NUP210: variants seen among roughly 807,000 people sequenced by gnomAD.
NUP210 encodes the protein nucleoporin 210.
In NUP210, 151 loss-of-function variants were observed where a neutral mutation model predicts 196.0. That is an observed-to-expected ratio of 0.77 (90% confidence interval 0.67 to 0.88). The LOEUF is 0.88. Among genes scored for constraint, NUP210 ranks in the 40% least tolerant of loss-of-function variants. The pLI, the probability that NUP210 is intolerant of heterozygous loss-of-function variation, is 0.00. For synonymous variants in NUP210, 1,070 were observed against 1,052.7 expected, an observed-to-expected ratio of 1.02 and a Z score of -0.32; for missense variants, 2,314 against 2,493.7, an observed-to-expected ratio of 0.93 and a Z score of 1.53.
rs71066953 is a variant in NUP210, at chr3:13,412,231, C to CT, written c.167+7828dup. ...CCACACCCAGCTTTATTTTCCTTTTCTTTTTTTTTTTTTTTTAGTAGAGAC... is the reference window on the plus strand; with the variant it reads ...CCACACCCAGCTTTATTTTCCTTTTCTTTTTTTTTTTTTTTTTAGTAGAGAC... On this transcript the variant is annotated intron_variant, in intron 1 of 39. Transcript: ENST00000254508. Among the ~76,000 whole-genome samples, 183 of 104,744 alleles carry CT rather than the reference C, an allele frequency of 1.7e-3. 4 individuals carry two copies. Among genetic ancestry groups the CT allele is most frequent in the Admixed American group, 0.01 (111 of 10,668 alleles). The allele number at this position is 104,744 out of a possible 152,430, so 68.7% of individuals were successfully genotyped here. A position where few individuals can be genotyped will look rare whatever the true frequency, so the allele number is the denominator to read the frequency against.
chr3:13,330,820 G>A (rs1455717372), intron 29 of NUP210, among the ~76,000 whole-genome samples, 186 bp from the exon 30 acceptor site: 3 of 152,144 alleles, frequency 2.0e-5, no homozygotes, highest in Admixed American at 6.5e-5. Context: ...AGTCACCCAC[G>A]GAAAAGTAAT....
intron 16 of NUP210, among the ~76,000 whole-genome samples, chr3:13,355,734 T>G (rs1344718545): frequency 4.6e-5 from 7 of 152,206 alleles, no homozygotes; most frequent in African/African-American, 1.7e-4. Flanking sequence ...TGCAAAGGTC[T>G]CATCATTATT....
intron 2 of NUP210, among the ~76,000 whole-genome samples, chr3:13,398,940 G>A (rs1168509981): frequency 6.6e-6 from 1 of 151,830 alleles, no homozygotes; most frequent in African/African-American, 2.4e-5. Flanking sequence ...TCTCAAAACA[G>A]CAACATAAAA....
At chr3:13,397,919 C>CA (rs1307766474) in intron 2 of NUP210, among the ~76,000 whole-genome samples, 1 of 152,126 alleles carries the variant, frequency 6.6e-6, no homozygotes, top group East Asian at 1.9e-4. Context: ...AAAAGACTAT[C>CA]AAGTATAGTA....
In NUP210 at chr3:13,353,583, G is replaced by A. The variant is rs557640102; in HGVS notation, c.2599C>T (p.His867Tyr). The change falls in exon 18 of 40, where the codon CAC becomes TAC. Residue 867 changes from histidine to tyrosine, a missense_variant. By Grantham distance (83) the His-to-Tyr change is moderately conservative (BLOSUM62 2). Transcript: ENST00000254508. ...TATATGYQES[H>Y]LSSARTKQPH... is the part of the protein sequence containing the mutation. ...TGCTTTGTTCTGGCAGAGCTGAGGTGGGACTCCTGGTAGCCAGTGGCAGTG... is the reference window on the plus strand; with the variant it reads ...TGCTTTGTTCTGGCAGAGCTGAGGTAGGACTCCTGGTAGCCAGTGGCAGTG... The A allele has an allele frequency of 3.2e-5, 52 of 1,614,104 alleles. No individual in the cohort carries two copies. The East Asian group carries it at 1.0e-3, about 32-fold the overall frequency.
Position 13,348,144 on chromosome 3 carries a change from C to T in NUP210, c.2835+3735G>A, listed in dbSNP as rs973828476. On this transcript the variant is annotated intron_variant, in intron 20 of 39. Coordinates refer to ENST00000254508, the MANE Select transcript of NUP210 (RefSeq NM_024923.4). The surrounding 1 kb of genome is among the most constrained non-coding windows in gnomAD (Gnocchi z 4.0). ...TGTGGCCACCTGTAAAACAGAACTG[C>T]AGAGGCACTCCTAGAATTGCAGCAT... 6.5e-6 allele frequency: 1 copy of T among 153,132 alleles called. No homozygotes were observed. Among genetic ancestry groups the T allele is most frequent in the Admixed American group, 6.5e-5 (1 of 15,274 alleles). The allele number at this position is 153,132 out of a possible 1,614,324, so 9.5% of individuals were successfully genotyped here.
intron 3 of NUP210, among the ~76,000 whole-genome samples, chr3:13,394,015 C>T (rs925835966): frequency 2.0e-5 from 3 of 152,218 alleles, no homozygotes; most frequent in Non-Finnish European, 2.9e-5. Flanking sequence ...TTATGTCTTC[C>T]TAGTGCTGAC....
At chr3:13,327,473 G>A (rs760395415) in intron 31 of NUP210, 36 bp from the exon 32 acceptor site, 30 of 1,483,242 alleles carry the variant, frequency 2.0e-5, no homozygotes, top group South Asian at 8.2e-5. Context: ...TCTCAGTCTC[G>A]GGAAAGAAGC....
intron 6 of NUP210, among the ~76,000 whole-genome samples, chr3:13,383,892 G>T (rs1283596950): frequency 6.6e-6 from 1 of 151,994 alleles, no homozygotes; most frequent in East Asian, 1.9e-4. Context: ...GCCCAGCTGG[G>T]GCAGTTTCAT....
At chr3:13,410,506 C>T (rs1700134252) in intron 1 of NUP210, among the ~76,000 whole-genome samples, 1 of 151,006 alleles carries the variant, frequency 6.6e-6, no homozygotes, top group Non-Finnish European at 1.5e-5. Flanking sequence ...CACCACTGGG[C>T]CAGGCATGGT....
At chr3:13,405,344 G>C (rs1699971025) in intron 1 of NUP210, among the ~76,000 whole-genome samples, 1 of 152,124 alleles carries the variant, frequency 6.6e-6, no homozygotes, top group Non-Finnish European at 1.5e-5. Context: ...CTGAAACATA[G>C]GCTCTTCTGG....
chr3:13,414,550 C>T (rs1463169965), intron 1 of NUP210, among the ~76,000 whole-genome samples: 1 of 152,242 alleles, frequency 6.6e-6, no homozygotes, highest in African/African-American at 2.4e-5. Flanking sequence ...GTCTCCTAAC[C>T]ACAGCCCACA....
In NUP210 at chr3:13,347,485, G is replaced by A. The variant is rs1697787466; in HGVS notation, c.2836-4182C>T. On this transcript the variant is annotated intron_variant, in intron 20 of 39. Coordinates refer to ENST00000254508, the MANE Select transcript of NUP210 (RefSeq NM_024923.4). This position sits in a 1 kb window ranked among gnomAD's most constrained non-coding sequence, Gnocchi z 4.7. ...ATAAAGGCCCTTACAGAGCGTTCTG[G>A]GGCTGTGTGAGCAAAATTCATCACG... The A allele has an allele frequency of 1.1e-5, 3 of 262,568 alleles. No individual in the cohort carries two copies. Among genetic ancestry groups the A allele is most frequent in the Non-Finnish European group, 1.8e-5 (3 of 169,368 alleles). The allele number at this position is 262,568 out of a possible 1,614,324, so 16.3% of individuals were successfully genotyped here. A position where few individuals can be genotyped will look rare whatever the true frequency, so the allele number is the denominator to read the frequency against.
rs550496343 is a variant in NUP210, at chr3:13,335,348, C to A, written c.3843+106G>T. ...TGTCATCCCCACGGACTGAGAGCTTCTCAGGTCTCTCAGCCCCTGCCCATG... is the reference window on the plus strand; with the variant it reads ...TGTCATCCCCACGGACTGAGAGCTTATCAGGTCTCTCAGCCCCTGCCCATG... On this transcript the variant is annotated intron_variant, in intron 28 of 39. Transcript: ENST00000254508. 2 of 1,308,738 alleles carry A rather than the reference C, an allele frequency of 1.5e-6. 1 individual carries two copies. Among genetic ancestry groups the A allele is most frequent in the Admixed American group, 3.8e-5 (2 of 52,966 alleles). 81.1% of individuals were successfully genotyped at this position (1,308,738 alleles called of 1,614,324 possible). A position where few individuals can be genotyped will look rare whatever the true frequency, so the allele number is the denominator to read the frequency against.
At chr3:13,336,431 T>G (rs1697218321) in intron 27 of NUP210, among the ~76,000 whole-genome samples, 1 of 152,164 alleles carries the variant, frequency 6.6e-6, no homozygotes, top group Non-Finnish European at 1.5e-5. Flanking sequence ...GGCCCCTCGC[T>G]GGGCTAAGGG....
intron 3 of NUP210, among the ~76,000 whole-genome samples, chr3:13,395,168 G>T (rs1474478956): frequency 6.6e-6 from 1 of 152,176 alleles, no homozygotes; most frequent in Non-Finnish European, 1.5e-5. Context: ...CATAACAGTG[G>T]CCTGGGAAGG....
Position 13,326,593 on chromosome 3 carries a change from C to T in NUP210, c.4507+624G>A, listed in dbSNP as rs776236149. Among the ~76,000 whole-genome samples, 4 of 152,164 alleles carry T rather than the reference C, an allele frequency of 2.6e-5. No individual in the cohort carries two copies. The East Asian group carries it at 5.8e-4, about 22-fold the overall frequency. ...TAAAAGCTAAGTAAATAATTGTACA[C>T]GTGTTCCACAGATGTACTACAGGTC... is the stretch of plus-strand genomic sequence containing the variant. On this transcript the variant is annotated intron_variant, in intron 32 of 39. Transcript: ENST00000254508.
Position 13,340,374 on chromosome 3 carries a change from GT to G in NUP210, c.3229-77del. On this transcript the variant is annotated intron_variant, in intron 23 of 39. Coordinates refer to ENST00000254508, the MANE Select transcript of NUP210 (RefSeq NM_024923.4). This position sits in a 1 kb window ranked among gnomAD's most constrained non-coding sequence, Gnocchi z 4.0. Reference sequence around the variant, plus strand: ...GCCAAGCATAACTCACACACTACATGTTTCATGAGAGGAAAACCTGGGACAT... The same window carrying G: ...GCCAAGCATAACTCACACACTACATGTTCATGAGAGGAAAACCTGGGACAT... The G allele has an allele frequency of 7.6e-7, 1 of 1,320,078 alleles. No individual in the cohort carries two copies. 81.8% of individuals were successfully genotyped at this position (1,320,078 alleles called of 1,614,324 possible).
In NUP210 at chr3:13,335,489, G is replaced by C. The variant is rs1244908213; in HGVS notation, c.3808C>G (p.Leu1270Val). The C allele has an allele frequency of 2.5e-6, 4 of 1,614,074 alleles. No individual in the cohort carries two copies. The South Asian group carries it at 4.4e-5, about 18-fold the overall frequency. The change falls in exon 28 of 40, where the codon CTG (leucine) becomes GTG (valine). Residue 1270 changes from leucine to valine, a missense_variant. Coordinates refer to ENST00000254508, the MANE Select transcript of NUP210 (RefSeq NM_024923.4). ...ATCTCATCCGAGAGTTCTCTGGCCA[G>C]GCCATACAGCTGCCCCGATGTGGGG... ...VDPTSGQLYG[L>V]ARELSDEIQV...
Sources: allele counts gnomAD v4.1 joint callset (sites outside exome capture counted in the v4.1 genomes callset), GRCh38; gene constraint gnomAD v4.1.1; non-coding constraint Gnocchi (gnomAD v3.1); transcripts MANE v1.5; gene names NCBI Gene and HGNC (gene_info 2026-07-23, HGNC 2026-07-21).